The following TRPM3 variants were observed in gnomAD, a reference collection of about 807,000 sequenced individuals.
TRPM3 encodes long transient receptor potential channel 3.
Under a neutral mutation model 181.2 loss-of-function variants are expected in TRPM3, and 77 were observed. That is an observed-to-expected ratio of 0.42 (90% CI 0.35 to 0.51). The LOEUF (loss-of-function observed/expected upper bound fraction) is 0.51, where lower values mean the gene tolerates loss of function less well. Ranked by LOEUF, TRPM3 falls within the 20% of genes least tolerant of loss-of-function variation. The probability of loss-of-function intolerance (pLI) is 0.01; values close to 1 mark genes in which losing one functional copy is unlikely to be tolerated. For missense variants in TRPM3, 1,759 were observed against 2,196.7 expected (o/e 0.80, Z 3.98); for synonymous variants, 745 against 796.4 (o/e 0.94, Z 1.09).
intron 9 of TRPM3, among the ~76,000 whole-genome samples, chr9:70,655,512 G>A (rs2060219391): frequency 6.6e-6 from 1 of 151,896 alleles, no homozygotes; most frequent in Non-Finnish European, 1.5e-5. Flanking sequence ...GGCTCCAACA[G>A]GTTTTTTGTT....
intron 1 of TRPM3, among the ~76,000 whole-genome samples, chr9:71,313,190 G>A (rs79216213): frequency 0.023 from 3,537 of 152,032 alleles, 63 homozygotes; most frequent in East Asian, 0.093. Flanking sequence ...TGTATGTTCT[G>A]TTTAATTTTG....
At chr9:70,893,439 A>G (rs1195986569) in intron 1 of TRPM3, among the ~76,000 whole-genome samples, 1 of 152,196 alleles carries the variant, frequency 6.6e-6, no homozygotes, top group Non-Finnish European at 1.5e-5. Flanking sequence ...AGCTCTTTAT[A>G]AATGATAAAA....
intron 1 of TRPM3, among the ~76,000 whole-genome samples, chr9:71,132,143 C>T (rs2074409961): frequency 6.6e-6 from 1 of 152,134 alleles, no homozygotes; most frequent in Non-Finnish European, 1.5e-5. Context: ...ATATTCTGAT[C>T]CATTACCCAT....
At chr9:71,317,495 T>C (rs746387840) in intron 1 of TRPM3, among the ~76,000 whole-genome samples, 17 of 151,890 alleles carry the variant, frequency 1.1e-4, no homozygotes, top group Admixed American at 7.9e-4. Context: ...ACAAAAATTA[T>C]CCAGGTATGC....
At chr9:71,209,908 A>G (rs2079378603) in intron 1 of TRPM3, among the ~76,000 whole-genome samples, 1 of 152,212 alleles carries the variant, frequency 6.6e-6, no homozygotes, top group African/African-American at 2.4e-5. Context: ...CAGAGACCAT[A>G]TGGCACACAA....
intron 1 of TRPM3, among the ~76,000 whole-genome samples, chr9:70,919,846 C>A (rs1035975645): frequency 6.6e-6 from 1 of 151,720 alleles, no homozygotes; most frequent in Non-Finnish European, 1.5e-5. Flanking sequence ...CATTCCCTTA[C>A]TATATTCTAC....
At chr9:71,325,648 A>C (rs955257220) in intron 1 of TRPM3, among the ~76,000 whole-genome samples, 3 of 152,130 alleles carry the variant, frequency 2.0e-5, no homozygotes, top group Non-Finnish European at 4.4e-5. Context: ...AGAAGGAATG[A>C]AGGCAGTGAT....
chr9:70,575,959 A>G (rs2053822582), intron 22 of TRPM3, among the ~76,000 whole-genome samples: 1 of 152,200 alleles, frequency 6.6e-6, no homozygotes, highest in South Asian at 2.1e-4. Context: ...AGTACATTAT[A>G]TTCTGTGCAA....
rs1384892482 is a variant in TRPM3, at chr9:71,269,155, A to G, written c.183+177498T>C. Among the ~76,000 whole-genome samples the G allele has an allele frequency of 1.3e-5, 2 of 152,252 alleles. 1 individual carries two copies. Among genetic ancestry groups the G allele is most frequent in the South Asian group, 4.1e-4 (2 of 4,832 alleles). ...TAATAATAAGAACAATGTTTAGTAC[A>G]ATCATTTCTGAAGAGCTGGTACATT... is the stretch of plus-strand genomic sequence containing the variant. On this transcript the variant is annotated intron_variant, in intron 1 of 24. Transcript: ENST00000357533.
chr9:71,215,115 G>A (rs1658893824), intron 1 of TRPM3, among the ~76,000 whole-genome samples: 1 of 149,846 alleles, frequency 6.7e-6, no homozygotes, highest in African/African-American at 2.4e-5. Context: ...TTCTACTAGT[G>A]TTTAACATAA....
At chr9:70,641,322 C>T (rs1430308687) in intron 9 of TRPM3, among the ~76,000 whole-genome samples, 1 of 152,204 alleles carries the variant, frequency 6.6e-6, no homozygotes, top group Non-Finnish European at 1.5e-5. Context: ...TTGAGAAACT[C>T]TGCTCTACCA....
intron 1 of TRPM3, among the ~76,000 whole-genome samples, chr9:71,049,318 T>C (rs1026512303): frequency 2.6e-5 from 4 of 152,156 alleles, no homozygotes; most frequent in African/African-American, 9.7e-5. Context: ...GTCAGACTTG[T>C]AAGTACTCAT....
chr9:71,281,282 T>C (rs1010658283), intron 1 of TRPM3, among the ~76,000 whole-genome samples: 14 of 152,172 alleles, frequency 9.2e-5, no homozygotes, highest in African/African-American at 1.4e-4. Context: ...GAGGCAAACT[T>C]TAGCAGTGGG....
At chr9:71,435,830 G>T (rs376491908) in intron 1 of TRPM3, among the ~76,000 whole-genome samples, 44 of 152,270 alleles carry the variant, frequency 2.9e-4, no homozygotes, top group African/African-American at 8.7e-4. Context: ...AATTACCCAG[G>T]TGGGCCCAAT....
intron 1 of TRPM3, among the ~76,000 whole-genome samples, chr9:71,235,627 A>G (rs1305669226): frequency 6.6e-6 from 1 of 152,200 alleles, no homozygotes; most frequent in Non-Finnish European, 1.5e-5. Flanking sequence ...ATACATTTTT[A>G]GCTTTGGTGA....
rs191466754 is a variant in TRPM3, at chr9:71,370,862, T to C, written c.183+75791A>G. On this transcript the variant is annotated intron_variant, in intron 1 of 24. Transcript: ENST00000357533. ...AAAGTTTCAAAAGACTGGCTGACTCTTGTTAGGGGCTCACACAGCTGATGA... is the reference window on the plus strand; with the variant it reads ...AAAGTTTCAAAAGACTGGCTGACTCCTGTTAGGGGCTCACACAGCTGATGA... Among the ~76,000 whole-genome samples, 3 of 152,320 alleles carry C rather than the reference T, an allele frequency of 2.0e-5. No individual in the cohort carries two copies. In the East Asian group the frequency reaches 5.8e-4, roughly 29 times the overall value.
intron 1 of TRPM3, among the ~76,000 whole-genome samples, chr9:70,928,905 A>C (rs769727402): frequency 1.1e-4 from 16 of 152,254 alleles, no homozygotes; most frequent in East Asian, 3.9e-4. Flanking sequence ...CTTCCAACCA[A>C]ACTGGAACTA....
intron 1 of TRPM3, among the ~76,000 whole-genome samples, chr9:70,932,562 C>T (rs1258023519): frequency 6.6e-6 from 1 of 150,918 alleles, no homozygotes; most frequent in Non-Finnish European, 1.5e-5. Context: ...CCAGAAAGCA[C>T]AAACAATGTA....
chr9:70,992,552 G>A (rs1412277082), intron 1 of TRPM3, among the ~76,000 whole-genome samples: 1 of 152,202 alleles, frequency 6.6e-6, no homozygotes, highest in East Asian at 1.9e-4. Flanking sequence ...AAAACTTTCT[G>A]TGGTGATGGA....
Sources: allele counts gnomAD v4.1 joint callset (sites outside exome capture counted in the v4.1 genomes callset), GRCh38; gene constraint gnomAD v4.1.1; transcripts MANE v1.5; gene names NCBI Gene and HGNC (gene_info 2026-07-23, HGNC 2026-07-21).